ZDHHC4: variants seen among roughly 807,000 people sequenced by gnomAD.
ZDHHC4 encodes zDHHC palmitoyltransferase 4, also known as palmitoyltransferase ZDHHC4.
In ZDHHC4, 42 loss-of-function variants were observed where a neutral mutation model predicts 36.7. The observed-to-expected ratio is 1.14, with a 90% CI of 0.89 to 1.48. The LOEUF (loss-of-function observed/expected upper bound fraction) is 1.48, where lower values mean the gene tolerates loss of function less well. ZDHHC4 is among the 40% of genes most tolerant of loss of function. The pLI is 0.00. For missense variants in ZDHHC4, 457 were observed against 421.5 expected (o/e 1.08, Z -0.74); for synonymous variants, 189 against 166.6 (o/e 1.13, Z -1.03).
chr7:6,588,535 G>A (rs1450559058), intron 7 of ZDHHC4, 82 bp from the exon 8 acceptor site: 15 of 1,463,684 alleles, frequency 1.0e-5, no homozygotes. Context: ...GGTGGCTGTG[G>A]CAGGCCCAGG....
chr7:6,580,834 T>A, intron 3 of ZDHHC4, 156 bp downstream of exon 3: 1 of 691,758 alleles, frequency 1.4e-6, no homozygotes. Context: ...GGAGGATCCC[T>A]TGAGCCAGGA....
intron 7 of ZDHHC4, 63 bp from the exon 8 acceptor site, chr7:6,588,554 G>A: frequency 2.6e-6 from 4 of 1,563,042 alleles, no homozygotes; most frequent in Non-Finnish European, 3.5e-6. Flanking sequence ...GGGTTGGCCA[G>A]TGTTCACTCT....
chr7:6,585,667 G>A (rs1252205133), intron 7 of ZDHHC4, among the ~76,000 whole-genome samples: 1 of 152,092 alleles, frequency 6.6e-6, no homozygotes, highest in Non-Finnish European at 1.5e-5. Context: ...TTAGCTGGGT[G>A]TGGTGGCACA....
chr7:6,583,386 T>C lies in ZDHHC4; in HGVS notation c.451T>C (p.Cys151Arg), dbSNP rs144937586. The change falls in exon 6 of 8, where the codon TGC becomes CGC. Residue 151 changes from cysteine (C) to arginine (R), a missense_variant. By Grantham distance (180) the Cys-to-Arg change is radical. Transcript: ENST00000335965. The stretch of plus-strand genomic sequence containing the variant: ...AGTGATGTTTCCAAAGAACGTGAGG[T>C]GCTCTACTTGTGATTTAAGGAAACC... ...DEVMFPKNVR[C>R]STCDLRKPAR... 7.8e-3 allele frequency: 12,610 copies of C among 1,613,864 alleles called. 53 individuals carry two copies. Among genetic ancestry groups the C allele is most frequent in the Non-Finnish European group, 9.4e-3 (11,066 of 1,179,856 alleles).
At chr7:6,585,500 CA>C (rs1781179919) in intron 7 of ZDHHC4, among the ~76,000 whole-genome samples, 1 of 151,942 alleles carries the variant, frequency 6.6e-6, no homozygotes, top group Admixed American at 6.6e-5. Context: ...CTTGTCTCTA[CA>C]AAAAATACAA....
chr7:6,582,400 T>A (rs775610408), intron 5 of ZDHHC4, 149 bp downstream of exon 5: 173 of 717,702 alleles, frequency 2.4e-4, no homozygotes, highest in Admixed American at 3.8e-4. Context: ...TGTTTTCTAA[T>A]TTTTTTTTTC....
In ZDHHC4 at chr7:6,585,254, TATTC is replaced by T. The variant is rs754106980; in HGVS notation, c.737_740del (p.Ile246SerfsTer5). On this transcript the variant is annotated frameshift_variant and splice_region_variant, in exon 7 of 8. Transcript: ENST00000335965. LOFTEE classifies it high-confidence loss of function. ...TCCATGTTATGGACACGGTCTTTCT[TATTC>T]AGGTAATTATGCTGTAGGTTTCTGA... 4 of 1,612,838 alleles carry T rather than the reference TATTC, an allele frequency of 2.5e-6. No individual in the cohort carries two copies. The Admixed American group carries it at 6.7e-5, about 27-fold the overall frequency.
chr7:6,579,263 C>T (rs1305160952), intron 2 of ZDHHC4, among the ~76,000 whole-genome samples: 2 of 150,850 alleles, frequency 1.3e-5, no homozygotes, highest in African/African-American at 2.4e-5. Context: ...TGCAGTGGCG[C>T]GATCTCGGCT....
At chr7:6,583,633 C>T (rs1453924987) in intron 6 of ZDHHC4, 2 of 595,648 alleles carry the variant, frequency 3.4e-6, no homozygotes, top group Non-Finnish European at 5.3e-6. Flanking sequence ...AGACAGTCCT[C>T]ATCTCTGGGC....
At chr7:6,580,495 G>A (rs757325046) in intron 2 of ZDHHC4, 60 bp from the exon 3 acceptor site, 3 of 1,379,370 alleles carry the variant, frequency 2.2e-6, no homozygotes, top group Non-Finnish European at 3.1e-6. Context: ...GTCTGAGAAT[G>A]TGTGCCATGG....
chr7:6,585,682 C>T (rs963656837), intron 7 of ZDHHC4, among the ~76,000 whole-genome samples: 15 of 151,992 alleles, frequency 9.9e-5, no homozygotes, highest in African/African-American at 3.6e-4. Context: ...GGCACATGCC[C>T]ATTGTTCTAG....
chr7:6,589,049 T>C lies in ZDHHC4; in HGVS notation c.*139T>C. The C allele has an allele frequency of 9.0e-7, 1 of 1,105,314 alleles. No individual in the cohort carries two copies. Among genetic ancestry groups the C allele is most frequent in the Non-Finnish European group, 1.3e-6 (1 of 776,596 alleles). 68.5% of individuals were successfully genotyped at this position (1,105,314 alleles called of 1,614,324 possible). A position where few individuals can be genotyped will look rare whatever the true frequency, so the allele number is the denominator to read the frequency against. ...GGTGGGCAAGGGAGAGAGGGGAAAA[T>C]GGGTGTTGACTGAGGAATCCCCCTT... On this transcript the variant is annotated 3_prime_UTR_variant, in exon 8 of 8. Coordinates refer to ENST00000335965, the MANE Select transcript of ZDHHC4 (RefSeq NM_001134389.2).
chr7:6,585,043 T>A lies in ZDHHC4; in HGVS notation c.524T>A (p.Phe175Tyr), dbSNP rs1583389598. Residue 175 changes from phenylalanine to tyrosine, a missense_variant, in exon 7 of 8, where the codon TTC (phenylalanine) becomes TAC (tyrosine). By Grantham distance (22) the Phe-to-Tyr change is conservative. Transcript: ENST00000335965. ...GTGTGTAACTGGTGTGTGCACCGTT[T>A]CGACCATCACTGTGTTTGGGTGAAC... is the stretch of plus-strand genomic sequence containing the variant. ...CSVCNWCVHR[F>Y]DHHCVWVNNC... 6.2e-7 allele frequency: 1 copy of A among 1,614,202 alleles called. No homozygotes were observed. The highest frequency in any genetic ancestry group is 1.3e-5 in the African/African-American group (1 of 75,054).
At chr7:6,582,399 A>ATT in intron 5 of ZDHHC4, 148 bp downstream of exon 5, 16 of 750,090 alleles carry the variant, frequency 2.1e-5, no homozygotes, top group Non-Finnish European at 2.9e-5. Context: ...GTGTTTTCTA[A>ATT]TTTTTTTTTT....
Position 6,585,225 on chromosome 7 carries a change from C to T in ZDHHC4, c.706C>T (p.His236Tyr). ...YQETYIDDLG[H>Y]LHVMDTVFLI... Reference sequence around the variant, plus strand: ...GGAGACTTACATCGATGACCTTGGACACCTCCATGTTATGGACACGGTCTT... The same window carrying T: ...GGAGACTTACATCGATGACCTTGGATACCTCCATGTTATGGACACGGTCTT... Residue 236 changes from histidine to tyrosine, a missense_variant, in exon 7 of 8, where the codon CAC becomes TAC. Transcript: ENST00000335965. 5 of 1,614,190 alleles carry T rather than the reference C, an allele frequency of 3.1e-6. No individual in the cohort carries two copies. The highest frequency in any genetic ancestry group is 4.5e-5 in the East Asian group (2 of 44,882).
intron 2 of ZDHHC4, 71 bp from the exon 3 acceptor site, chr7:6,580,484 T>C: frequency 3.2e-6 from 4 of 1,253,902 alleles, no homozygotes; most frequent in Non-Finnish European, 4.7e-6. Flanking sequence ...TGGGAGTTGA[T>C]GTCTGAGAAT....
chr7:6,584,968 TGTCTC>T, intron 6 of ZDHHC4, 43 bp from the exon 7 acceptor site: 1 of 1,606,458 alleles, frequency 6.2e-7, no homozygotes, highest in Non-Finnish European at 8.5e-7. Context: ...GCGGTGTCCT[TGTCTC>T]GTCAAGCACC....
intron 7 of ZDHHC4, among the ~76,000 whole-genome samples, chr7:6,586,497 T>C (rs1168744804): frequency 3.9e-5 from 6 of 152,146 alleles, no homozygotes; most frequent in African/African-American, 1.2e-4. Context: ...TTATTTGGGA[T>C]GGAGTCTCGC....
At chr7:6,578,521 A>C (rs1780604981) in intron 1 of ZDHHC4, 45 bp from the exon 2 acceptor site, 1 of 151,674 alleles carries the variant, frequency 6.6e-6, no homozygotes, top group African/African-American at 2.4e-5. Context: ...TTTGACTGCA[A>C]CTCTTGTCGT....
Sources: allele counts gnomAD v4.1 joint callset (sites outside exome capture counted in the v4.1 genomes callset), GRCh38; gene constraint gnomAD v4.1.1; transcripts MANE v1.5; gene names NCBI Gene and HGNC (gene_info 2026-07-23, HGNC 2026-07-21).